Variants in CREB5 observed in about 807,000 individuals in gnomAD.
CREB5 encodes cyclic AMP-responsive element-binding protein 5.
In CREB5, 19 loss-of-function variants were observed where a neutral mutation model predicts 57.1. The observed-to-expected ratio is 0.33, with a 90% CI of 0.23 to 0.49. The LOEUF is 0.49. Ranked by LOEUF, CREB5 falls within the 20% of genes least tolerant of loss-of-function variation. The pLI is 0.99. For missense variants in CREB5, 579 were observed against 671.6 expected, an observed-to-expected ratio of 0.86 and a Z score of 1.52; for synonymous variants, 238 against 238.3, an observed-to-expected ratio of 1.00 and a Z score of 0.01.
intron 4 of CREB5, among the ~76,000 whole-genome samples, chr7:28,561,884 A>G (rs1795284253): frequency 6.6e-6 from 1 of 152,216 alleles, no homozygotes; most frequent in Non-Finnish European, 1.5e-5. Flanking sequence ...AGCTGGGATT[A>G]CAGGCACCCA....
At chr7:28,328,926 AT>A (rs1785661683) in intron 1 of CREB5, among the ~76,000 whole-genome samples, 1 of 152,204 alleles carries the variant, frequency 6.6e-6, no homozygotes, top group African/African-American at 2.4e-5. Flanking sequence ...CTGGAGAGCC[AT>A]ATGCAAGTAC....
At chr7:28,811,030 C>T (rs1383521551) in intron 9 of CREB5, among the ~76,000 whole-genome samples, 1 of 152,052 alleles carries the variant, frequency 6.6e-6, no homozygotes, top group Non-Finnish European at 1.5e-5. Context: ...ATAATGATTC[C>T]CCCACTAACT....
intron 1 of CREB5, among the ~76,000 whole-genome samples, chr7:28,327,853 G>T (rs1436086053): frequency 6.6e-6 from 1 of 152,098 alleles, no homozygotes; most frequent in Non-Finnish European, 1.5e-5. Context: ...AGATAAGATG[G>T]CTTCTTCAAG....
At chr7:28,366,443 C>A (rs766480141) in intron 1 of CREB5, among the ~76,000 whole-genome samples, 4 of 152,106 alleles carry the variant, frequency 2.6e-5, no homozygotes, top group Non-Finnish European at 4.4e-5. Context: ...GATACTACTA[C>A]TTATTGTTAT....
intron 8 of CREB5, among the ~76,000 whole-genome samples, chr7:28,805,938 T>C (rs1419741767): frequency 6.6e-6 from 1 of 151,930 alleles, no homozygotes; most frequent in Non-Finnish European, 1.5e-5. Flanking sequence ...TGTATAGCAA[T>C]CAAATGCTAT....
At chr7:28,444,098 G>A (rs1789317738) in intron 1 of CREB5, among the ~76,000 whole-genome samples, 1 of 152,130 alleles carries the variant, frequency 6.6e-6, no homozygotes, top group Admixed American at 6.5e-5. Context: ...CCTTTTCCCT[G>A]TTGCCCCTCC....
chr7:28,407,275 T>C (rs866065549), intron 1 of CREB5, among the ~76,000 whole-genome samples: 4 of 152,206 alleles, frequency 2.6e-5, no homozygotes, highest in African/African-American at 9.6e-5. Context: ...GGTCTCGAAC[T>C]CCTGACCTCA....
chr7:28,464,627 A>T (rs1790486666), intron 1 of CREB5, among the ~76,000 whole-genome samples: 1 of 147,786 alleles, frequency 6.8e-6, no homozygotes, highest in Non-Finnish European at 1.5e-5. Flanking sequence ...TCTTTCTAGG[A>T]ATTTGTCCTT....
intron 5 of CREB5, among the ~76,000 whole-genome samples, chr7:28,707,396 A>G (rs1250119959): frequency 6.6e-6 from 1 of 152,214 alleles, no homozygotes; most frequent in Non-Finnish European, 1.5e-5. Context: ...CCAATGAGAA[A>G]ACAGAGGAGT....
intron 4 of CREB5, among the ~76,000 whole-genome samples, chr7:28,551,829 C>CTTTCTTTCTTTCTTTCTT (rs1794656021): frequency 6.7e-6 from 1 of 148,664 alleles, no homozygotes; most frequent in African/African-American, 2.5e-5. Flanking sequence ...ATTTTTCTTT[C>CTTTCTTTCTTTCTTTCTT]TTTCTTTCTT....
chr7:28,362,652 G>A (rs1403710207), intron 1 of CREB5, among the ~76,000 whole-genome samples: 1 of 152,164 alleles, frequency 6.6e-6, no homozygotes, highest in Non-Finnish European at 1.5e-5. Context: ...AGTTTAGATT[G>A]AATTGTATGA....
Position 28,567,605 on chromosome 7 carries a change from A to G in CREB5, c.292-2760A>G, listed in dbSNP as rs993857545. 1.4e-4 allele frequency among the ~76,000 whole-genome samples: 22 copies of G among 152,236 alleles called. 1 individual carries two copies. Among genetic ancestry groups the G allele is most frequent in the Admixed American group, 1.4e-3 (21 of 15,280 alleles). On this transcript the variant is annotated intron_variant, in intron 4 of 10. Transcript: ENST00000357727. ...GAAGAATTGTAAACCACTGTACTGTAAAGGAAAAGGAGATGGTGCCCATCA... is the reference window on the plus strand; with the variant it reads ...GAAGAATTGTAAACCACTGTACTGTGAAGGAAAAGGAGATGGTGCCCATCA...
intron 7 of CREB5, among the ~76,000 whole-genome samples, chr7:28,766,110 G>A (rs1375803654): frequency 6.6e-6 from 1 of 151,712 alleles, no homozygotes; most frequent in Non-Finnish European, 1.5e-5. Context: ...GATAATATTT[G>A]TATGTTCCTT....
At chr7:28,507,919 T>A (rs1177318984) in intron 4 of CREB5, among the ~76,000 whole-genome samples, 182 bp downstream of exon 4, 1 of 152,264 alleles carries the variant, frequency 6.6e-6, no homozygotes, top group African/African-American at 2.4e-5. Context: ...CAAAGCTAGA[T>A]AAATCAAAAA....
chr7:28,360,722 A>C (rs1410239496), intron 1 of CREB5, among the ~76,000 whole-genome samples: 1 of 152,226 alleles, frequency 6.6e-6, no homozygotes, highest in African/African-American at 2.4e-5. Context: ...AAATATATAT[A>C]ATTTTTCAAT....
At chr7:28,714,966 G>C (rs1802595736) in intron 5 of CREB5, among the ~76,000 whole-genome samples, 1 of 152,220 alleles carries the variant, frequency 6.6e-6, no homozygotes, top group African/African-American at 2.4e-5. Context: ...GAGAAGGACT[G>C]TTGGGTCTTT....
intron 4 of CREB5, among the ~76,000 whole-genome samples, chr7:28,508,293 C>T (rs1206807339): frequency 2.0e-5 from 3 of 152,090 alleles, no homozygotes; most frequent in African/African-American, 4.8e-5. Flanking sequence ...AGAATATATT[C>T]GGTGTTTATG....
At chr7:28,632,629 C>T (rs1246236159) in intron 5 of CREB5, among the ~76,000 whole-genome samples, 2 of 152,066 alleles carry the variant, frequency 1.3e-5, no homozygotes, top group Admixed American at 6.6e-5. Flanking sequence ...TCCTGGGATC[C>T]CGGGAGGACA....
chr7:28,591,756 T>C (rs2128664475), intron 5 of CREB5, among the ~76,000 whole-genome samples: 1 of 152,120 alleles, frequency 6.6e-6, no homozygotes, highest in East Asian at 1.9e-4. Flanking sequence ...GATTGTGGGG[T>C]GTAGGAAGTG....
Sources: allele counts gnomAD v4.1 joint callset (sites outside exome capture counted in the v4.1 genomes callset), GRCh38; gene constraint gnomAD v4.1.1; transcripts MANE v1.5; gene names NCBI Gene and HGNC (gene_info 2026-07-23, HGNC 2026-07-21).